PRCC: variants seen among roughly 807,000 people sequenced by gnomAD.
PRCC encodes proline-rich protein PRCC.
A neutral mutation model predicts 44.0 loss-of-function variants in PRCC; 10 were observed. That is an observed-to-expected ratio of 0.23 (90% confidence interval 0.14 to 0.39). The LOEUF (loss-of-function observed/expected upper bound fraction) is 0.39. Among genes scored for constraint, PRCC ranks in the 10% least tolerant of loss-of-function variants. The pLI is 1.00. For synonymous variants in PRCC, 278 were observed against 259.5 expected (o/e 1.07, Z -0.69); for missense variants, 573 against 624.7 (o/e 0.92, Z 0.88).
chr1:156,779,128 A>ATTTTTTTTTTTTTTTTTTTTT (rs869088692), intron 1 of PRCC, among the ~76,000 whole-genome samples: 1 of 35,876 alleles, frequency 2.8e-5, no homozygotes, highest in African/African-American at 1.2e-4. Flanking sequence ...ATATATATAT[A>ATTTTTTTTTTTTTTTTTTTTT]TTTTTTTTTT....
At chr1:156,786,546 C>T in intron 2 of PRCC, 62 bp from the exon 3 acceptor site, 1 of 1,493,040 alleles carries the variant, frequency 6.7e-7, no homozygotes, top group Non-Finnish European at 9.1e-7. Flanking sequence ...TTTGGTGTTG[C>T]TAGTACATAA....
At chr1:156,786,546 C>A in intron 2 of PRCC, 62 bp from the exon 3 acceptor site, 1 of 1,493,040 alleles carries the variant, frequency 6.7e-7, no homozygotes, top group Non-Finnish European at 9.1e-7. Flanking sequence ...TTTGGTGTTG[C>A]TAGTACATAA....
chr1:156,787,051 C>G lies in PRCC; in HGVS notation c.960C>G (p.Pro320=). 1 of 1,614,188 alleles carries G rather than the reference C, an allele frequency of 6.2e-7. No homozygotes were observed. Among genetic ancestry groups the G allele is most frequent in the South Asian group, 1.1e-5 (1 of 91,090 alleles). The change falls in exon 3 of 7, where the codon CCC becomes CCG. Residue 320 remains proline, a synonymous_variant. Transcript: ENST00000271526. ...PAFQDDAANA[P]LEFKMAAGSS... is the part of the protein sequence containing the mutation. ...TCCAGGACGATGCAGCCAATGCCCC[C>G]CTTGAATTCAAGATGGCAGCAGGTT...
intron 5 of PRCC, among the ~76,000 whole-genome samples, chr1:156,795,130 G>A (rs561965767): frequency 8.9e-4 from 136 of 152,144 alleles, no homozygotes; most frequent in Middle Eastern, 3.4e-3. Flanking sequence ...TTGCCGTACA[G>A]TCAGATCCTT....
chr1:156,788,164 C>G (rs1466798931), intron 3 of PRCC, among the ~76,000 whole-genome samples: 1 of 152,138 alleles, frequency 6.6e-6, no homozygotes, highest in African/African-American at 2.4e-5. Context: ...CCTTACCTTC[C>G]ACACTAAAGT....
chr1:156,795,283 G>GTGTTTTTTTTTT (rs1652622788), intron 5 of PRCC, among the ~76,000 whole-genome samples: 1 of 36,154 alleles, frequency 2.8e-5, no homozygotes, highest in Non-Finnish European at 5.6e-5. Flanking sequence ...TCATTTTCTG[G>GTGTTTTTTTTTT]TGTTTTTTTT....
At chr1:156,793,258 C>G (rs529795041) in intron 4 of PRCC, among the ~76,000 whole-genome samples, 1 of 152,304 alleles carries the variant, frequency 6.6e-6, no homozygotes, top group East Asian at 1.9e-4. Context: ...GCCTAGGAGA[C>G]AGCTGAGAAC....
chr1:156,798,038 G>T (rs1208231419), intron 6 of PRCC, among the ~76,000 whole-genome samples: 1 of 150,330 alleles, frequency 6.7e-6, no homozygotes, highest in African/African-American at 2.5e-5. Flanking sequence ...CCGTCTCCTG[G>T]GCTCAAATGA....
chr1:156,784,286 C>T (rs982304724), intron 2 of PRCC, among the ~76,000 whole-genome samples: 2 of 152,114 alleles, frequency 1.3e-5, no homozygotes, highest in African/African-American at 2.4e-5. Context: ...AGGAGTCATG[C>T]AAGATGTTGG....
At chr1:156,788,279 ATTT>A (rs1357757631) in intron 3 of PRCC, among the ~76,000 whole-genome samples, 3 of 152,028 alleles carry the variant, frequency 2.0e-5, no homozygotes, top group African/African-American at 7.3e-5. Flanking sequence ...TTCTATGTTA[ATTT>A]GCTTAATGGC....
chr1:156,781,902 C>T (rs1652063357), intron 1 of PRCC, among the ~76,000 whole-genome samples: 1 of 152,196 alleles, frequency 6.6e-6, no homozygotes, highest in African/African-American at 2.4e-5. Context: ...GGCCAATTCC[C>T]ATTCATCTTC....
At chr1:156,786,564 C>A in intron 2 of PRCC, 44 bp from the exon 3 acceptor site, 1 of 1,552,936 alleles carries the variant, frequency 6.4e-7, no homozygotes, top group Non-Finnish European at 8.8e-7. Context: ...TAAAATCTCA[C>A]TTGTCATCTT....
intron 1 of PRCC, among the ~76,000 whole-genome samples, chr1:156,775,253 A>C (rs1651783397): frequency 6.6e-6 from 1 of 152,050 alleles, no homozygotes; most frequent in Non-Finnish European, 1.5e-5. Flanking sequence ...ATCTCAAAAA[A>C]AAAATTGTTT....
chr1:156,770,642 C>A (rs144189373), intron 1 of PRCC, among the ~76,000 whole-genome samples: 1,640 of 152,202 alleles, frequency 0.011, 16 homozygotes, highest in South Asian at 0.013. Flanking sequence ...CCCAAAGTGC[C>A]GGGATTACAG....
chr1:156,772,445 A>G (rs964523827), intron 1 of PRCC, among the ~76,000 whole-genome samples: 1 of 152,246 alleles, frequency 6.6e-6, no homozygotes, highest in African/African-American at 2.4e-5. Context: ...AATGATCCAT[A>G]GAATGGATAA....
chr1:156,794,026 C>T (rs1055391091), intron 4 of PRCC, among the ~76,000 whole-genome samples: 6 of 145,470 alleles, frequency 4.1e-5, no homozygotes, highest in African/African-American at 1.3e-4. Flanking sequence ...GGTGCGATCT[C>T]GGCTCTCTGC....
intron 2 of PRCC, among the ~76,000 whole-genome samples, chr1:156,785,564 A>G (rs1276170902): frequency 1.3e-5 from 2 of 151,354 alleles, no homozygotes; most frequent in South Asian, 2.1e-4. Context: ...GCCCCACCCA[A>G]GCTGAGGCTT....
chr1:156,788,242 G>A (rs1395445550), intron 3 of PRCC, among the ~76,000 whole-genome samples: 1 of 152,150 alleles, frequency 6.6e-6, no homozygotes, highest in African/African-American at 2.4e-5. Flanking sequence ...CTATTTATAA[G>A]TGAAAACGTG....
rs1294198270 is a variant in PRCC at position 156,786,999 on chromosome 1, C to T, written c.908C>T (p.Pro303Leu). 3 of 1,614,238 alleles carry T rather than the reference C, an allele frequency of 1.9e-6. No homozygotes were observed. The highest frequency in any genetic ancestry group is 1.1e-5 in the South Asian group (1 of 91,086). The change falls in exon 3 of 7, where the codon CCT becomes CTT. Residue 303 changes from proline (P) to leucine (L), a missense_variant. Around this residue, in one of 4 missense-constraint regions of PRCC, gnomAD observed 141 missense variants for 130.2 expected, o/e 1.08. Coordinates refer to ENST00000271526, the MANE Select transcript of PRCC (RefSeq NM_005973.5). Reference protein sequence around the residue: ...YPIPTVPEELPPGTEPEPAFQ... With the variant: ...YPIPTVPEELLPGTEPEPAFQ... ...ATCCCCACTGTCCCTGAAGAGCTGCCTCCAGGCACGGAACCAGAGCCGGCT... is the reference window on the plus strand; with the variant it reads ...ATCCCCACTGTCCCTGAAGAGCTGCTTCCAGGCACGGAACCAGAGCCGGCT...
Sources: gnomAD v4.1 joint callset for allele counts (sites outside exome capture counted in the v4.1 genomes callset) on GRCh38, gnomAD v4.1.1 for gene constraint, gnomAD v4.1.1 regional missense constraint, MANE v1.5 for transcripts, NCBI Gene and HGNC (gene_info 2026-07-23, HGNC 2026-07-21) for gene names.